TXNDC2: variants seen among roughly 807,000 people sequenced by gnomAD.
The protein encoded by TXNDC2 is thioredoxin domain containing 2.
TXNDC2 carries 1 observed loss-of-function variant against 0.4 expected under a neutral mutation model. That is an observed-to-expected ratio of 2.30 (90% CI 0.82 to 10.89). The LOEUF is 10.89. Ranked by LOEUF, TXNDC2 falls within the 30% of genes most tolerant of loss-of-function variation. The pLI, the probability that TXNDC2 is intolerant of heterozygous loss-of-function variation, is 0.12. For synonymous variants in TXNDC2, 183 were observed against 224.6 expected, an observed-to-expected ratio of 0.81 and a Z score of 1.66; for missense variants, 509 against 579.8, an observed-to-expected ratio of 0.88 and a Z score of 1.25.
chr18:9,887,355 C>G lies in TXNDC2; in HGVS notation c.675C>G (p.Ile225Met), dbSNP rs977230605. ...GDISKSPEEA[I>M]QPKEGDLPKS... ...TCTCCAAGTCCCCAGAAGAAGCCAT[C>G]CAGCCCAAGGAGGGTGACCTCCCCA... Residue 225 changes from isoleucine to methionine, a missense_variant, in exon 2 of 2, where the codon ATC (isoleucine) becomes ATG (methionine). Physicochemically the swap from Ile to Met is conservative, Grantham distance 10 (BLOSUM62 1). This residue lies in a region of TXNDC2 where 65 missense variants were observed against 46.0 expected (regional missense o/e 1.41). Transcript: ENST00000357775. 1.0e-5 allele frequency: 16 copies of G among 1,580,926 alleles called. No homozygotes were observed. Among genetic ancestry groups the G allele is most frequent in the Non-Finnish European group, 1.3e-5 (15 of 1,160,674 alleles).
In TXNDC2 at chr18:9,889,259, C is replaced by G. The variant is rs1033034341; in HGVS notation, c.*1118C>G. 1 of 152,172 alleles carries G rather than the reference C, an allele frequency of 6.6e-6. No homozygotes were observed. The highest frequency in any genetic ancestry group is 2.4e-5 in the African/African-American group (1 of 41,424). The allele number at this position is 152,172 out of a possible 1,614,324, so 9.4% of individuals were successfully genotyped here. ...TCTCCACCATCAAAGTAATTAACAC[C>G]TTCATTGCCTCCAGAAGTTTCCTTG... On this transcript the variant is annotated 3_prime_UTR_variant, in exon 2 of 2. Transcript: ENST00000357775.
At position 9,887,152 on chromosome 18, in the gene TXNDC2, G is replaced by T; in HGVS notation, c.472G>T (p.Ala158Ser). ...CATCCAGCCCAAGCTGGGCAATATT[G>T]CCAAGACCTCAGTGAAGCCCAGCCA... ...KPIQPKLGNI[A>S]KTSVKPSQPK... is the part of the protein sequence containing the mutation. The change falls in exon 2 of 2, where the codon GCC becomes TCC. Residue 158 changes from alanine to serine, a missense_variant. By Grantham distance (99) the Ala-to-Ser change is moderately conservative. This residue lies in a region of TXNDC2 where 187 missense variants were observed against 218.0 expected (regional missense o/e 0.86). Coordinates refer to ENST00000357775, the MANE Select transcript of TXNDC2 (RefSeq NM_032243.6). 1 of 1,500,894 alleles carries T rather than the reference G, an allele frequency of 6.7e-7. No homozygotes were observed. The highest frequency in any genetic ancestry group is 1.1e-5 in the South Asian group (1 of 87,298). The allele number at this position is 1,500,894 out of a possible 1,614,324, so 93.0% of individuals were successfully genotyped here. A position where few individuals can be genotyped will look rare whatever the true frequency, so the allele number is the denominator to read the frequency against.
rs1214664882 is a variant in TXNDC2, at chr18:9,887,804, T to C, written c.1124T>C (p.Met375Thr). ...GDILKPEEET[M>T]EFPEGDKVKV... Reference sequence around the variant, plus strand: ...ATCCTAAAGCCTGAAGAAGAAACAATGGAGTTCCCGGAGGGGGACAAGGTG... The same window carrying C: ...ATCCTAAAGCCTGAAGAAGAAACAACGGAGTTCCCGGAGGGGGACAAGGTG... Residue 375 changes from methionine (M) to threonine (T), a missense_variant, in exon 2 of 2, where the codon ATG (methionine) becomes ACG (threonine). By Grantham distance (81) the Met-to-Thr change is moderately conservative. Transcript: ENST00000357775. 5 of 1,611,916 alleles carry C rather than the reference T, an allele frequency of 3.1e-6. No homozygotes were observed. In the African/African-American group the frequency reaches 5.4e-5, roughly 17 times the overall value.
chr18:9,886,712 A>G lies in TXNDC2; in HGVS notation c.32A>G (p.Glu11Gly). 2.5e-6 allele frequency: 4 copies of G among 1,614,136 alleles called. No homozygotes were observed. Among genetic ancestry groups the G allele is most frequent in the Non-Finnish European group, 3.4e-6 (4 of 1,180,018 alleles). The change falls in exon 2 of 2, where the codon GAG (glutamate) becomes GGG (glycine). Residue 11 changes from glutamate (E) to glycine (G), a missense_variant. Coordinates refer to ENST00000357775, the MANE Select transcript of TXNDC2 (RefSeq NM_032243.6). ...AGCCACACGTTCCACATGCGCACAG[A>G]GGAGTCTGATGCCTCACAGGAGGGC... MVSHTFHMRTEESDASQEGDD... is the reference protein window; with the variant it reads MVSHTFHMRTGESDASQEGDD...
Position 9,888,013 on chromosome 18 carries a change from G to T in TXNDC2, c.1333G>T (p.Glu445Ter). 1 of 1,614,214 alleles carries T rather than the reference G, an allele frequency of 6.2e-7. No homozygotes were observed. The highest frequency in any genetic ancestry group is 8.5e-7 in the Non-Finnish European group (1 of 1,180,042). ...GGAGGTGGACGCTGACAACTGTGAG[G>T]AGGTGGTGAGAGAGTGCGCCATCAT... ...FLEVDADNCE[E>*]VVRECAIMCV... Residue 445 changes from glutamate (E) to a stop codon, truncating the protein, a stop_gained, in exon 2 of 2, where the codon GAG (glutamate) becomes TAG (stop). Transcript: ENST00000357775. LOFTEE classifies it low-confidence loss of function (END_TRUNC).
In TXNDC2 at chr18:9,887,258, A is replaced by G. The variant is rs200556470; in HGVS notation, c.578A>G (p.Lys193Arg). The G allele has an allele frequency of 1.0e-4, 166 of 1,593,962 alleles. No homozygotes were observed. The highest frequency in any genetic ancestry group is 4.3e-4 in the Admixed American group (25 of 57,536). Residue 193 changes from lysine (K) to arginine (R), a missense_variant, in exon 2 of 2, where the codon AAG (lysine) becomes AGG (arginine). Coordinates refer to ENST00000357775, the MANE Select transcript of TXNDC2 (RefSeq NM_032243.6). Reference protein sequence around the residue: ...KEGDIPKSSAKPIQPKLGNIP... With the variant: ...KEGDIPKSSARPIQPKLGNIP... ...GGTGACATCCCCAAGTCCTCAGCAA[A>G]GCCCATCCAGCCCAAGCTGGGCAAT...
Position 9,887,413 on chromosome 18 carries a change from G to T in TXNDC2, c.733G>T (p.Gly245Cys). 9.7e-7 allele frequency: 1 copy of T among 1,026,054 alleles called. No homozygotes were observed. The highest frequency in any genetic ancestry group is 1.3e-6 in the Non-Finnish European group (1 of 742,890). The allele number at this position is 1,026,054 out of a possible 1,614,324, so 63.6% of individuals were successfully genotyped here. A position where few individuals can be genotyped will look rare whatever the true frequency, so the allele number is the denominator to read the frequency against. The change falls in exon 2 of 2, where the codon GGT becomes TGT. Residue 245 changes from glycine to cysteine, a missense_variant. This residue lies in a region of TXNDC2 where 65 missense variants were observed against 46.0 expected (regional missense o/e 1.41). Coordinates refer to ENST00000357775, the MANE Select transcript of TXNDC2 (RefSeq NM_032243.6). ...AGAGGAAGCCATCCAGCCCAAGGAG[G>T]GTGACATCCCCAAGTCCCCAGAAGA... The part of the protein sequence containing the change: ...SLEEAIQPKE[G>C]DIPKSPEEAI...
rs889554057 is a variant in TXNDC2 at position 9,888,363 on chromosome 18, A to G, written c.*222A>G. 1.5e-5 allele frequency: 7 copies of G among 469,884 alleles called. No individual in the cohort carries two copies. The highest frequency in any genetic ancestry group is 1.2e-4 in the African/African-American group (6 of 52,004). 29.1% of individuals were successfully genotyped at this position (469,884 alleles called of 1,614,324 possible). A position where few individuals can be genotyped will look rare whatever the true frequency, so the allele number is the denominator to read the frequency against. On this transcript the variant is annotated 3_prime_UTR_variant, in exon 2 of 2. Coordinates refer to ENST00000357775, the MANE Select transcript of TXNDC2 (RefSeq NM_032243.6). ...GGAGAGTATAAAATTAGAAATTCCC[A>G]TGGTGAAGACTGCTAAGTCCCATGG...
Position 9,887,981 on chromosome 18 carries a change from T to C in TXNDC2, c.1301T>C (p.Val434Ala), listed in dbSNP as rs754479456. 1.2e-6 allele frequency: 2 copies of C among 1,614,210 alleles called. No homozygotes were observed. Among genetic ancestry groups the C allele is most frequent in the Non-Finnish European group, 1.7e-6 (2 of 1,180,028 alleles). The change falls in exon 2 of 2, where the codon GTG (valine) becomes GCG (alanine). Residue 434 changes from valine (V) to alanine (A), a missense_variant. Transcript: ENST00000357775. ...CTGTCTGTGAAGCATGAGGATGTGG[T>C]GTTCCTGGAGGTGGACGCTGACAAC... ...HALSVKHEDV[V>A]FLEVDADNCE...
rs1343611331 is a variant in TXNDC2, at chr18:9,888,138, G to A, written c.1458G>A (p.Lys486=). 1 of 1,605,620 alleles carries A rather than the reference G, an allele frequency of 6.2e-7. No homozygotes were observed. The highest frequency in any genetic ancestry group is 8.5e-7 in the Non-Finnish European group (1 of 1,174,998). The change falls in exon 2 of 2, where the codon AAG becomes AAA. Residue 486 remains lysine, a synonymous_variant. Coordinates refer to ENST00000357775, the MANE Select transcript of TXNDC2 (RefSeq NM_032243.6). The part of the protein sequence containing the change: ...EKLEAVIAEL[K] ...TTGAAGCAGTCATTGCAGAATTAAA[G>A]TAAACATGTATTCTGAAAACATTGC...
At position 9,886,836 on chromosome 18, in the gene TXNDC2, C is replaced by T. The variant is rs780167884; in HGVS notation, c.156C>T (p.Ile52=). 3 of 1,611,438 alleles carry T rather than the reference C, an allele frequency of 1.9e-6. No individual in the cohort carries two copies. The highest frequency in any genetic ancestry group is 2.2e-5 in the East Asian group (1 of 44,792). Residue 52 remains isoleucine, a synonymous_variant, in exon 2 of 2, where the codon ATC becomes ATT. Transcript: ENST00000357775. ...CCATCCAGCCCAAGGAGGGTGACAT[C>T]CCCAAGGCCCCAGAAGAAACCATCC... ...EETIQPKEGD[I]PKAPEETIQS...
In TXNDC2 at chr18:9,888,915, T is replaced by C; in HGVS notation, c.*774T>C. The C allele has an allele frequency of 6.6e-6, 1 of 152,166 alleles. No homozygotes were observed. The highest frequency in any genetic ancestry group is 1.9e-4 in the East Asian group (1 of 5,192). The allele number at this position is 152,166 out of a possible 1,614,324, so 9.4% of individuals were successfully genotyped here. A position where few individuals can be genotyped will look rare whatever the true frequency, so the allele number is the denominator to read the frequency against. ...TAGACCTTCCTCTGACTTTTTTACT[T>C]AAATTTGTTCTTATTTTCAATATTG... On this transcript the variant is annotated 3_prime_UTR_variant, in exon 2 of 2. Coordinates refer to ENST00000357775, the MANE Select transcript of TXNDC2 (RefSeq NM_032243.6).
chr18:9,887,419 A>C lies in TXNDC2; in HGVS notation c.739A>C (p.Ile247Leu), dbSNP rs2240909. The change falls in exon 2 of 2, where the codon ATC becomes CTC. Residue 247 changes from isoleucine to leucine, a missense_variant. By Grantham distance (5) the Ile-to-Leu change is conservative (BLOSUM62 2). Around this residue, in one of 5 missense-constraint regions of TXNDC2, gnomAD observed 65 missense variants for 46.0 expected, o/e 1.41. Coordinates refer to ENST00000357775, the MANE Select transcript of TXNDC2 (RefSeq NM_032243.6). ...EEAIQPKEGDIPKSPEEAIQP... is the reference protein window; with the variant it reads ...EEAIQPKEGDLPKSPEEAIQP... ...AGCCATCCAGCCCAAGGAGGGTGAC[A>C]TCCCCAAGTCCCCAGAAGAAGCCAT... The C allele has an allele frequency of 1.1e-4, 108 of 997,958 alleles. 4 individuals are homozygous for C. The highest frequency in any genetic ancestry group is 1.3e-4 in the African/African-American group (6 of 44,936). The allele number at this position is 997,958 out of a possible 1,614,324, so 61.8% of individuals were successfully genotyped here.
chr18:9,886,049 A>T lies in TXNDC2; in HGVS notation c.-124A>T. ...AAATATCACTGTTGTGAATACAGAGAGGGAAAACCAACTGTAACGTGCCAC... is the reference window on the plus strand; with the variant it reads ...AAATATCACTGTTGTGAATACAGAGTGGGAAAACCAACTGTAACGTGCCAC... On this transcript the variant is annotated 5_prime_UTR_variant, in exon 1 of 2. Transcript: ENST00000357775. 1.4e-6 allele frequency: 1 copy of T among 724,584 alleles called. No homozygotes were observed. The highest frequency in any genetic ancestry group is 2.3e-6 in the Non-Finnish European group (1 of 429,004). The allele number at this position is 724,584 out of a possible 1,614,324, so 44.9% of individuals were successfully genotyped here.
At position 9,888,163 on chromosome 18, in the gene TXNDC2, C is replaced by G; in HGVS notation, c.*22C>G. 2 of 1,554,952 alleles carry G rather than the reference C, an allele frequency of 1.3e-6. No individual in the cohort carries two copies. The highest frequency in any genetic ancestry group is 1.8e-6 in the Non-Finnish European group (2 of 1,142,540). ...GTAAACATGTATTCTGAAAACATTGCAGACAGTCAGGTGTTTATAGCTTTT... is the reference window on the plus strand; with the variant it reads ...GTAAACATGTATTCTGAAAACATTGGAGACAGTCAGGTGTTTATAGCTTTT... On this transcript the variant is annotated 3_prime_UTR_variant, in exon 2 of 2. Transcript: ENST00000357775.
chr18:9,888,415 A>G lies in TXNDC2; in HGVS notation c.*274A>G, dbSNP rs1260202668. On this transcript the variant is annotated 3_prime_UTR_variant, in exon 2 of 2. Coordinates refer to ENST00000357775, the MANE Select transcript of TXNDC2 (RefSeq NM_032243.6). The stretch of plus-strand genomic sequence containing the variant: ...TTCCTATTTTTCAATCTTGATATGT[A>G]TTTATTTTTCACTTGTCTTTGAAAA... 9.1e-6 allele frequency: 3 copies of G among 330,814 alleles called. No homozygotes were observed. Among genetic ancestry groups the G allele is most frequent in the Non-Finnish European group, 1.6e-5 (3 of 183,016 alleles). The allele number at this position is 330,814 out of a possible 1,614,324, so 20.5% of individuals were successfully genotyped here.
At position 9,887,892 on chromosome 18, in the gene TXNDC2, G is replaced by A; in HGVS notation, c.1212G>A (p.Val404=). The change falls in exon 2 of 2, where the codon GTG becomes GTA. Residue 404 remains valine (V), a synonymous_variant. Coordinates refer to ENST00000357775, the MANE Select transcript of TXNDC2 (RefSeq NM_032243.6). ...TGAAGGAGGCCGGGGAGAGGCTGGT[G>A]GCTGTGGACTTCTCGGCCACGTGGT... is the stretch of plus-strand genomic sequence containing the variant. ...ASLKEAGERL[V]AVDFSATWCG... is the part of the protein sequence containing the mutation. 2 of 1,612,834 alleles carry A rather than the reference G, an allele frequency of 1.2e-6. No individual in the cohort carries two copies. Among genetic ancestry groups the A allele is most frequent in the Middle Eastern group, 1.7e-4 (1 of 6,060 alleles).
In TXNDC2 at chr18:9,888,362, C is replaced by T. The variant is rs1028099462; in HGVS notation, c.*221C>T. 16 of 471,384 alleles carry T rather than the reference C, an allele frequency of 3.4e-5. No individual in the cohort carries two copies. Among genetic ancestry groups the T allele is most frequent in the Admixed American group, 1.4e-4 (4 of 28,434 alleles). 29.2% of individuals were successfully genotyped at this position (471,384 alleles called of 1,614,324 possible). On this transcript the variant is annotated 3_prime_UTR_variant, in exon 2 of 2. Coordinates refer to ENST00000357775, the MANE Select transcript of TXNDC2 (RefSeq NM_032243.6). ...GGGAGAGTATAAAATTAGAAATTCC[C>T]ATGGTGAAGACTGCTAAGTCCCATG... is the stretch of plus-strand genomic sequence containing the variant.
Position 9,887,681 on chromosome 18 carries a change from A to C in TXNDC2, c.1001A>C (p.Glu334Ala). Residue 334 changes from glutamate to alanine, a missense_variant, in exon 2 of 2, where the codon GAG becomes GCG. Physicochemically the swap from Glu to Ala is moderately radical, Grantham distance 107. Coordinates refer to ENST00000357775, the MANE Select transcript of TXNDC2 (RefSeq NM_032243.6). ...CTAGAGGAAGCCATCCCACCCAAGGAGATTGACATCCCCAAGTCCCCAGAA... is the reference window on the plus strand; with the variant it reads ...CTAGAGGAAGCCATCCCACCCAAGGCGATTGACATCCCCAAGTCCCCAGAA... Reference protein sequence around the residue: ...KSLEEAIPPKEIDIPKSPEET... With the variant: ...KSLEEAIPPKAIDIPKSPEET... The C allele has an allele frequency of 6.2e-7, 1 of 1,610,796 alleles. No individual in the cohort carries two copies. Among genetic ancestry groups the C allele is most frequent in the Non-Finnish European group, 8.5e-7 (1 of 1,178,692 alleles).
Sources: gnomAD v4.1 joint callset for allele counts on GRCh38, gnomAD v4.1.1 for gene constraint, gnomAD v4.1.1 regional missense constraint, MANE v1.5 for transcripts, NCBI Gene and HGNC (gene_info 2026-07-23, HGNC 2026-07-21) for gene names.